Variants in SHISA9 observed in about 807,000 individuals in gnomAD.
SHISA9 encodes the protein shisa family member 9.
A neutral mutation model predicts 38.0 loss-of-function variants in SHISA9; 13 were observed. That is an observed-to-expected ratio of 0.34 (90% CI 0.22 to 0.54). The LOEUF is 0.54. SHISA9 is among the 20% of genes least tolerant of loss of function. SHISA9 has a pLI of 0.91. For missense variants in SHISA9, 538 were observed against 575.8 expected (o/e 0.93, Z 0.67); for synonymous variants, 275 against 242.0 (o/e 1.14, Z -1.27).
chr16:13,477,636 C>T, the SHISA9 span, among the ~76,000 whole-genome samples: 1 of 152,174 alleles, frequency 6.6e-6, no homozygotes, highest in Admixed American at 6.5e-5. Context: ...GAAAGTATTT[C>T]CCAATGCAGA....
chr16:13,281,878 T>C, the SHISA9 span, among the ~76,000 whole-genome samples: 1 of 151,806 alleles, frequency 6.6e-6, no homozygotes, highest in African/African-American at 2.4e-5. Flanking sequence ...CTTCCAACAG[T>C]ATAATTTCAT....
At chr16:13,410,113 C>T in the SHISA9 span, among the ~76,000 whole-genome samples, 2 of 152,180 alleles carry the variant, frequency 1.3e-5, no homozygotes, top group Admixed American at 1.3e-4. Flanking sequence ...TTCATTGCTG[C>T]AAGCAAAGCA....
intron 2 of SHISA9, among the ~76,000 whole-genome samples, chr16:13,195,937 A>T (rs922580952): frequency 6.6e-6 from 1 of 151,568 alleles, no homozygotes; most frequent in African/African-American, 2.4e-5. Flanking sequence ...AAAATAAAAA[A>T]ATTAGCCAGG....
At chr16:13,208,555 T>C (rs1428068176) in intron 3 of SHISA9, among the ~76,000 whole-genome samples, 1 of 151,144 alleles carries the variant, frequency 6.6e-6, no homozygotes, top group Admixed American at 6.6e-5. Flanking sequence ...GATTCTCCTA[T>C]TGAGAGAATT....
chr16:13,397,414 TG>T, the SHISA9 span, among the ~76,000 whole-genome samples: 1 of 141,074 alleles, frequency 7.1e-6, no homozygotes, highest in Non-Finnish European at 1.5e-5. Flanking sequence ...ACAGTGTTTT[TG>T]GTTTGTTTGT....
the SHISA9 span, among the ~76,000 whole-genome samples, chr16:13,344,526 C>A: frequency 6.6e-6 from 1 of 152,010 alleles, no homozygotes; most frequent in East Asian, 1.9e-4. Flanking sequence ...AAGATCAGAT[C>A]CTTGCAATAT....
chr16:13,507,459 T>C, the SHISA9 span, among the ~76,000 whole-genome samples: 1 of 152,140 alleles, frequency 6.6e-6, no homozygotes, highest in Non-Finnish European at 1.5e-5. Context: ...TGTCTAACAT[T>C]AGCGTAGACA....
chr16:13,465,095 A>T, the SHISA9 span, among the ~76,000 whole-genome samples: 1 of 152,196 alleles, frequency 6.6e-6, no homozygotes, highest in African/African-American at 2.4e-5. Flanking sequence ...TTTGGAAGAA[A>T]TAATGATCTA....
the SHISA9 span, among the ~76,000 whole-genome samples, chr16:13,324,081 G>C: frequency 6.6e-6 from 1 of 152,164 alleles, no homozygotes. Context: ...TGCCATCGAT[G>C]TATCTGCTCC....
intron 2 of SHISA9, among the ~76,000 whole-genome samples, chr16:13,047,572 G>A (rs531781247): frequency 1.6e-4 from 24 of 152,180 alleles, no homozygotes; most frequent in African/African-American, 4.1e-4. Context: ...GGTTGCTTTC[G>A]GGAGGGTGCC....
intron 2 of SHISA9, among the ~76,000 whole-genome samples, chr16:13,194,897 A>G (rs1042326782): frequency 1.3e-5 from 2 of 152,194 alleles, no homozygotes; most frequent in African/African-American, 4.8e-5. Context: ...AGCCAGGTTT[A>G]TTATTCTTGG....
chr16:13,080,534 A>C (rs1202938411), intron 2 of SHISA9, among the ~76,000 whole-genome samples: 2 of 152,128 alleles, frequency 1.3e-5, no homozygotes, highest in Non-Finnish European at 2.9e-5. Flanking sequence ...GAGACTTGAT[A>C]ATTTCTAGCT....
At chr16:13,391,086 G>T in the SHISA9 span, among the ~76,000 whole-genome samples, 1 of 152,164 alleles carries the variant, frequency 6.6e-6, no homozygotes, top group Non-Finnish European at 1.5e-5. Flanking sequence ...GTAGAAAAGA[G>T]TTGATAAGAG....
At chr16:13,477,833 T>A in the SHISA9 span, among the ~76,000 whole-genome samples, 715 of 152,154 alleles carry the variant, frequency 4.7e-3, 6 homozygotes, top group African/African-American at 0.017. Context: ...GGCATGGTGG[T>A]GTGCACCTAT....
the SHISA9 span, among the ~76,000 whole-genome samples, chr16:13,278,515 G>T: frequency 6.6e-6 from 1 of 152,010 alleles, no homozygotes; most frequent in South Asian, 2.1e-4. Flanking sequence ...TTGAATGTCT[G>T]GCAGGATTCT....
chr16:13,076,098 T>C (rs2073578608), intron 2 of SHISA9, among the ~76,000 whole-genome samples: 1 of 151,576 alleles, frequency 6.6e-6, no homozygotes, highest in African/African-American at 2.4e-5. Flanking sequence ...TGGCGCGATC[T>C]TGGCTTGCTG....
chr16:13,046,826 C>A (rs1488360965), intron 2 of SHISA9, among the ~76,000 whole-genome samples: 1 of 152,122 alleles, frequency 6.6e-6, no homozygotes, highest in East Asian at 1.9e-4. Context: ...CTGCCTAAAC[C>A]ACTCTTCCTC....
chr16:13,483,879 T>C, the SHISA9 span, among the ~76,000 whole-genome samples: 4 of 152,316 alleles, frequency 2.6e-5, no homozygotes, highest in Non-Finnish European at 5.9e-5. Flanking sequence ...ATTTGGATCC[T>C]TTGCAATATC....
chr16:13,340,627 A>G, the SHISA9 span, among the ~76,000 whole-genome samples: 1 of 152,200 alleles, frequency 6.6e-6, no homozygotes, highest in African/African-American at 2.4e-5. Context: ...CCCTTTTGAA[A>G]GGCAAATCTA....
Sources: gnomAD v4.1 joint callset for allele counts (sites outside exome capture counted in the v4.1 genomes callset) on GRCh38, gnomAD v4.1.1 for gene constraint, MANE v1.5 for transcripts, NCBI Gene and HGNC (gene_info 2026-07-23, HGNC 2026-07-21) for gene names.